The following LPIN1 variants were observed in gnomAD, a reference collection of about 807,000 sequenced individuals.
The protein encoded by LPIN1 is phosphatidate phosphatase LPIN1.
A neutral mutation model predicts 107.5 loss-of-function variants in LPIN1; 71 were observed. That is an observed-to-expected ratio of 0.66 (90% CI 0.55 to 0.80). LPIN1 has a LOEUF of 0.80. LPIN1 is among the 30% of genes least tolerant of loss of function. The pLI is 0.00. For synonymous variants in LPIN1, 445 were observed against 452.6 expected (o/e 0.98, Z 0.21); for missense variants, 1,043 against 1,160.6 (o/e 0.90, Z 1.47).
chr2:11,770,556 G>A (rs1445210258), intron 3 of LPIN1, among the ~76,000 whole-genome samples: 3 of 152,190 alleles, frequency 2.0e-5, no homozygotes, highest in Non-Finnish European at 4.4e-5. Flanking sequence ...TGTGTCTCAG[G>A]TGTAGACATT....
In LPIN1 at chr2:11,824,768, G is replaced by T; in HGVS notation, c.2758G>T (p.Asp920Tyr). The change falls in exon 21 of 21, where the codon GAC becomes TAC. Residue 920 changes from aspartate (D) to tyrosine (Y), a missense_variant. By Grantham distance (160) the Asp-to-Tyr change is radical (BLOSUM62 -3). Transcript: ENST00000674199. ...GCCACTGCCACCTTTTGAAAACCAG[G>T]ACATTCATTCTGCCTCAGCGTAAAA... ...REPLPPFENQ[D>Y]IHSASA 6.2e-7 allele frequency: 1 copy of T among 1,614,150 alleles called. No homozygotes were observed. The highest frequency in any genetic ancestry group is 8.5e-7 in the Non-Finnish European group (1 of 1,180,036).
chr2:11,744,047 C>T (rs774941080), upstream of LPIN1, among the ~76,000 whole-genome samples: 1 of 152,250 alleles, frequency 6.6e-6, no homozygotes, highest in Non-Finnish European at 1.5e-5. Context: ...CAAAGCAGAT[C>T]TGTGTCATGT....
At chr2:11,726,091 C>T (rs1204234384) in intron 1 of LPIN1, among the ~76,000 whole-genome samples, 1 of 152,204 alleles carries the variant, frequency 6.6e-6, no homozygotes, top group African/African-American at 2.4e-5. Flanking sequence ...CCATGGCAAT[C>T]AATTCACAGC....
In LPIN1 at chr2:11,805,075, A is replaced by G. The variant is rs767607996; in HGVS notation, c.2168A>G (p.Asp723Gly). 8 of 1,605,886 alleles carry G rather than the reference A, an allele frequency of 5.0e-6. No individual in the cohort carries two copies. Among genetic ancestry groups the G allele is most frequent in the East Asian group, 4.5e-5 (2 of 44,826 alleles). Residue 723 changes from aspartate (D) to glycine (G), a missense_variant, in exon 17 of 21, where the codon GAT (aspartate) becomes GGT (glycine). Coordinates refer to ENST00000674199, the MANE Select transcript of LPIN1 (RefSeq NM_001349206.2). ...SDIDGTITRS[D>G]TLGHILPTLG... ...CTCTTTTCCTCTTCATTTAGATCAG[A>G]TACTCTTGGCCACATTTTGCCCACC...
intron 17 of LPIN1, chr2:11,805,562 G>T (rs748474357): frequency 9.3e-6 from 3 of 324,220 alleles, no homozygotes; most frequent in Admixed American, 8.7e-5. Context: ...TTTTGGCGGC[G>T]TTGCAGACCC....
At position 11,785,038 on chromosome 2, in the gene LPIN1, T is replaced by TTTGTTAATG; in HGVS notation, c.1511_1512insTTGTTAATG (p.Cys505_Gly506insTer). On this transcript the variant is annotated stop_gained and inframe_insertion, in exon 10 of 21. Coordinates refer to ENST00000674199, the MANE Select transcript of LPIN1 (RefSeq NM_001349206.2). LOFTEE classifies it high-confidence loss of function. ...GACCTCCCTTCCATCGCCATCTCCC[T>TTTGTTAATG]CTGCGGGGGCCTCAGCGACCACCGG... 6.2e-7 allele frequency: 1 copy of TTTGTTAATG among 1,602,046 alleles called. No homozygotes were observed.
intron 1 of LPIN1, among the ~76,000 whole-genome samples, chr2:11,752,104 G>T (rs1268685358): frequency 6.6e-6 from 1 of 152,012 alleles, no homozygotes; most frequent in African/African-American, 2.4e-5. Context: ...TACTGTTTTT[G>T]TACACGGATC....
chr2:11,712,118 G>A (rs1663452577), intron 1 of LPIN1, among the ~76,000 whole-genome samples: 1 of 152,196 alleles, frequency 6.6e-6, no homozygotes, highest in South Asian at 2.1e-4. Context: ...ACTCACCCCT[G>A]CCTCCTTGCC....
At chr2:11,692,094 T>C (rs1290095959) in intron 1 of LPIN1, among the ~76,000 whole-genome samples, 1 of 152,244 alleles carries the variant, frequency 6.6e-6, no homozygotes, top group African/African-American at 2.4e-5. Context: ...TGTTTTCCGA[T>C]CTGAAGAATG....
chr2:11,758,458 T>C (rs1669017968), intron 1 of LPIN1, among the ~76,000 whole-genome samples: 1 of 152,192 alleles, frequency 6.6e-6, no homozygotes, highest in African/African-American at 2.4e-5. Context: ...TCTTAAATAG[T>C]AGCCATCTTA....
At chr2:11,800,501 G>A (rs981292890) in intron 14 of LPIN1, among the ~76,000 whole-genome samples, 2 of 152,026 alleles carry the variant, frequency 1.3e-5, no homozygotes, top group African/African-American at 4.8e-5. Flanking sequence ...TTCGCCTCCC[G>A]GGTCCAAGTG....
chr2:11,732,530 T>C (rs975516001), intron 1 of LPIN1, among the ~76,000 whole-genome samples: 1 of 152,214 alleles, frequency 6.6e-6, no homozygotes, highest in Non-Finnish European at 1.5e-5. Context: ...ACTTACCTAA[T>C]GAAGTTGCTG....
chr2:11,691,099 T>TC (rs1553397758), intron 1 of LPIN1, among the ~76,000 whole-genome samples: 127 of 147,840 alleles, frequency 8.6e-4, no homozygotes, highest in African/African-American at 3.2e-3. Context: ...TTTTTTTTTT[T>TC]CTCTCTCCTT....
intron 17 of LPIN1, among the ~76,000 whole-genome samples, chr2:11,814,512 ATGTGTGTGTGTGTGTG>A (rs71394769): frequency 1.4e-5 from 2 of 138,532 alleles, no homozygotes; most frequent in Middle Eastern, 3.7e-3. Flanking sequence ...GTGTGTGTGC[ATGTGTGTGTGTGTGTG>A]TGTGTGTGTG....
chr2:11,705,257 C>A (rs1663070747), intron 1 of LPIN1, among the ~76,000 whole-genome samples: 1 of 152,196 alleles, frequency 6.6e-6, no homozygotes, highest in African/African-American at 2.4e-5. Context: ...TCGGCCAAGT[C>A]CTTTGACCTT....
In LPIN1 at chr2:11,787,160, G is replaced by C. The variant is rs1457695366; in HGVS notation, c.1636G>C (p.Gly546Arg). The C allele has an allele frequency of 1.2e-5, 19 of 1,612,338 alleles. No homozygotes were observed. Among genetic ancestry groups the C allele is most frequent in the Non-Finnish European group, 1.6e-5 (19 of 1,178,364 alleles). ...IDDPNLVVKI[G>R]SKYYNWTTAA... ...TGACCCCAATCTCGTGGTAAAGATT[G>C]GGAGTAAGTAAGTACCTCTTGAAAG... is the stretch of plus-strand genomic sequence containing the variant. Residue 546 changes from glycine to arginine, a missense_variant, in exon 11 of 21, where the codon GGG (glycine) becomes CGG (arginine). Physicochemically the swap from Gly to Arg is moderately radical, Grantham distance 125. Transcript: ENST00000674199.
chr2:11,821,431 C>G (rs1681503919), intron 20 of LPIN1, among the ~76,000 whole-genome samples: 1 of 152,158 alleles, frequency 6.6e-6, no homozygotes, highest in Non-Finnish European at 1.5e-5. Context: ...ACAGGAGAAT[C>G]ACTTGAACTC....
Position 11,824,860 on chromosome 2 carries a change from C to A in LPIN1, c.*69C>A. On this transcript the variant is annotated 3_prime_UTR_variant, in exon 21 of 21. Transcript: ENST00000674199. ...TCACCCATTAAAGGATAGGTCTCCC[C>A]GGAGTGCACAGCTCCACCTGGGAGC... 1 of 1,565,302 alleles carries A rather than the reference C, an allele frequency of 6.4e-7. No individual in the cohort carries two copies. The highest frequency in any genetic ancestry group is 8.8e-7 in the Non-Finnish European group (1 of 1,138,886).
At chr2:11,772,850 T>C (rs1672080152) in intron 4 of LPIN1, among the ~76,000 whole-genome samples, 1 of 152,236 alleles carries the variant, frequency 6.6e-6, no homozygotes, top group African/African-American at 2.4e-5. Context: ...TCCTGTGTCA[T>C]TATTTGGAAT....
Sources: gnomAD v4.1 joint callset for allele counts (sites outside exome capture counted in the v4.1 genomes callset) on GRCh38, gnomAD v4.1.1 for gene constraint, MANE v1.5 for transcripts, NCBI Gene and HGNC (gene_info 2026-07-23, HGNC 2026-07-21) for gene names.